The following DPP6 variants were observed in gnomAD, a reference collection of about 807,000 sequenced individuals.
The protein encoded by DPP6 is A-type potassium channel modulatory protein DPP6.
A neutral mutation model predicts 122.6 loss-of-function variants in DPP6; 69 were observed. The observed-to-expected ratio is 0.56, with a 90% CI of 0.46 to 0.69. The LOEUF (loss-of-function observed/expected upper bound fraction) is 0.69. DPP6 is among the 30% of genes least tolerant of loss of function. The pLI is 0.00. For missense variants in DPP6, 928 were observed against 1,116.9 expected, an observed-to-expected ratio of 0.83 and a Z score of 2.41; for synonymous variants, 418 against 433.1, an observed-to-expected ratio of 0.97 and a Z score of 0.43.
At chr7:154,878,388 AAGAATGG>A (rs1805064992) in intron 20 of DPP6, among the ~76,000 whole-genome samples, 1 of 152,204 alleles carries the variant, frequency 6.6e-6, no homozygotes, top group Non-Finnish European at 1.5e-5. Flanking sequence ...CCGAAGCTCA[AAGAATGG>A]GAGCGTGTGG....
chr7:154,267,506 A>G (rs1803502050), intron 1 of DPP6, among the ~76,000 whole-genome samples: 1 of 150,802 alleles, frequency 6.6e-6, no homozygotes, highest in Non-Finnish European at 1.5e-5. Flanking sequence ...ACACACATAT[A>G]TGCACACATA....
chr7:153,977,109 C>A (rs1796345780), intron 1 of DPP6, among the ~76,000 whole-genome samples: 2 of 151,982 alleles, frequency 1.3e-5, no homozygotes, highest in Admixed American at 1.3e-4. Context: ...TGTTTTCTTT[C>A]TTTTTTTTCT....
At chr7:154,550,160 G>A (rs1829524722) in intron 4 of DPP6, among the ~76,000 whole-genome samples, 1 of 152,086 alleles carries the variant, frequency 6.6e-6, no homozygotes, top group Non-Finnish European at 1.5e-5. Flanking sequence ...TACCTGGATT[G>A]CTCATGAAAA....
Position 154,392,166 on chromosome 7 carries a change from G to A in DPP6, c.244-54048G>A, listed in dbSNP as rs183788439. On this transcript the variant is annotated intron_variant, in intron 1 of 25. Transcript: ENST00000377770. ...CACACACCTGTAATTTCAGCTACTC[G>A]GAAGGCTGAGACAGGAGAATCGCTT... is the stretch of plus-strand genomic sequence containing the variant. 8.9e-4 allele frequency among the ~76,000 whole-genome samples: 136 copies of A among 152,152 alleles called. 1 individual carries two copies. Among genetic ancestry groups the A allele is most frequent in the African/African-American group, 2.9e-3 (119 of 41,508 alleles).
chr7:154,507,578 T>A (rs774834439), intron 3 of DPP6, among the ~76,000 whole-genome samples: 1 of 152,132 alleles, frequency 6.6e-6, no homozygotes, highest in Non-Finnish European at 1.5e-5. Context: ...TGCATGGGCA[T>A]AAATTAGCAG....
At chr7:154,591,298 G>A (rs1832797056) in intron 5 of DPP6, among the ~76,000 whole-genome samples, 1 of 152,174 alleles carries the variant, frequency 6.6e-6, no homozygotes, top group Admixed American at 6.5e-5. Context: ...TCTTGCTAGA[G>A]ATTTAAGACG....
chr7:154,814,103 G>A (rs1830071), intron 16 of DPP6, among the ~76,000 whole-genome samples: 121,408 of 151,760 alleles, frequency 0.8, 48,716 homozygotes, highest in Non-Finnish European at 0.84. Context: ...TGGGTCTTGA[G>A]CTCTTGACCT....
chr7:153,796,476 C>T, the DPP6 span, among the ~76,000 whole-genome samples: 6 of 149,182 alleles, frequency 4.0e-5, no homozygotes, highest in Admixed American at 4.0e-4. Flanking sequence ...TTTGATTTGC[C>T]CAAATTGAAG....
At chr7:154,448,921 A>G (rs567294904) in intron 2 of DPP6, among the ~76,000 whole-genome samples, 2 of 152,230 alleles carry the variant, frequency 1.3e-5, no homozygotes, top group African/African-American at 2.4e-5. Flanking sequence ...GATGAACTCA[A>G]TGTGGACCAA....
chr7:154,335,513 C>A (rs1448495158), intron 1 of DPP6, among the ~76,000 whole-genome samples: 1 of 152,174 alleles, frequency 6.6e-6, no homozygotes, highest in Non-Finnish European at 1.5e-5. Flanking sequence ...CTGTGACACT[C>A]GAAATCCAAG....
chr7:154,626,415 T>A (rs1303364972), intron 5 of DPP6, among the ~76,000 whole-genome samples: 1 of 152,242 alleles, frequency 6.6e-6, no homozygotes, highest in East Asian at 1.9e-4. Flanking sequence ...TCCTCGGTTT[T>A]AATCATCTTG....
chr7:154,316,869 G>T (rs929764707), intron 1 of DPP6, among the ~76,000 whole-genome samples: 2 of 152,122 alleles, frequency 1.3e-5, no homozygotes, highest in Non-Finnish European at 2.9e-5. Flanking sequence ...CACCAGCCTG[G>T]GATTCAGACA....
intron 8 of DPP6, among the ~76,000 whole-genome samples, chr7:154,744,136 C>A (rs1216798786): frequency 1.3e-5 from 2 of 152,200 alleles, no homozygotes; most frequent in African/African-American, 4.8e-5. Flanking sequence ...CCTGCCTAAG[C>A]CTGGGCCTCC....
intron 5 of DPP6, among the ~76,000 whole-genome samples, chr7:154,590,531 A>AT (rs945590517): frequency 1.1e-3 from 58 of 53,018 alleles, no homozygotes; most frequent in African/African-American, 4.7e-3. Context: ...GGTAGATACT[A>AT]TTTTTTTGTT....
chr7:153,937,517 C>T (rs985037989), intron 1 of DPP6, among the ~76,000 whole-genome samples: 12 of 149,128 alleles, frequency 8.0e-5, no homozygotes, highest in Admixed American at 2.0e-4. Flanking sequence ...GGCGCGATCT[C>T]GCCCACTGCA....
intron 1 of DPP6, among the ~76,000 whole-genome samples, chr7:154,306,308 C>T (rs907137388): frequency 3.9e-5 from 6 of 152,196 alleles, no homozygotes; most frequent in African/African-American, 4.8e-5. Flanking sequence ...CGCTTCACCA[C>T]GCGTGTAGAC....
At chr7:154,252,235 T>TGTGTGTGTGTGTGTGTGTGTGTGC (rs60245069) in intron 1 of DPP6, among the ~76,000 whole-genome samples, 1 of 149,346 alleles carries the variant, frequency 6.7e-6, no homozygotes, top group African/African-American at 2.6e-5. Flanking sequence ...TGTGTGTGTG[T>TGTGTGTGTGTGTGTGTGTGTGTGC]GCGCGCATGC....
At chr7:154,754,502 A>G (rs192288186) in intron 8 of DPP6, among the ~76,000 whole-genome samples, 1 of 152,352 alleles carries the variant, frequency 6.6e-6, no homozygotes, top group Non-Finnish European at 1.5e-5. Flanking sequence ...CAGTTTTGGC[A>G]AAATACTAGG....
the DPP6 span, among the ~76,000 whole-genome samples, chr7:153,812,915 A>G: frequency 2.0e-5 from 3 of 152,226 alleles, no homozygotes; most frequent in Non-Finnish European, 2.9e-5. Context: ...TTTTAAAAAA[A>G]GAGACGTCTT....
Sources: gnomAD v4.1 joint callset for allele counts (sites outside exome capture counted in the v4.1 genomes callset) on GRCh38, gnomAD v4.1.1 for gene constraint, MANE v1.5 for transcripts, NCBI Gene and HGNC (gene_info 2026-07-23, HGNC 2026-07-21) for gene names.